Variants in RXRA observed in about 807,000 individuals in gnomAD.
The protein encoded by RXRA is retinoid X receptor alpha, also known as retinoic acid receptor RXR-alpha.
Under a neutral mutation model 44.5 loss-of-function variants are expected in RXRA, and 5 were observed. The observed-to-expected ratio is 0.11, with a 90% CI of 0.06 to 0.24. The LOEUF (loss-of-function observed/expected upper bound fraction) is 0.24. Ranked by LOEUF, RXRA falls within the 10% of genes least tolerant of loss-of-function variation. The pLI is 1.00. For synonymous variants in RXRA, 291 were observed against 271.4 expected (o/e 1.07, Z -0.71); for missense variants, 412 against 646.5 (o/e 0.64, Z 3.93).
chr9:134,357,412 G>T (rs1323520818), intron 1 of RXRA, among the ~76,000 whole-genome samples: 1 of 152,232 alleles, frequency 6.6e-6, no homozygotes, highest in East Asian at 1.9e-4. Context: ...CCCCTCTGCT[G>T]TAGCCGCGTG....
rs569109046 is a variant in RXRA at position 134,407,877 on chromosome 9, G to A, written c.280-272G>A. ...GCAAGCAGGGACCGCCCATGTGTTG[G>A]GGGGGGTGTTGAAGGTCCTTTTCCA... On this transcript the variant is annotated intron_variant, in intron 2 of 9. Transcript: ENST00000481739. This position sits in a 1 kb window ranked among gnomAD's most constrained non-coding sequence, Gnocchi z 4.8. Among the ~76,000 whole-genome samples, 29 of 152,096 alleles carry A rather than the reference G, an allele frequency of 1.9e-4. No homozygotes were observed. The highest frequency in any genetic ancestry group is 6.8e-3 in the Middle Eastern group (2 of 292).
chr9:134,400,574 G>C (rs1247220549), intron 1 of RXRA, among the ~76,000 whole-genome samples: 1 of 152,338 alleles, frequency 6.6e-6, no homozygotes, highest in South Asian at 2.1e-4. Flanking sequence ...GCTGCCGTCT[G>C]TGCTGCCTTG....
intron 1 of RXRA, among the ~76,000 whole-genome samples, chr9:134,341,172 G>T (rs1830081057): frequency 6.6e-6 from 1 of 152,232 alleles, no homozygotes; most frequent in Admixed American, 6.5e-5. Flanking sequence ...TGGAGTGTGT[G>T]CCCAGCACAG....
chr9:134,358,400 G>C (rs925080097), intron 1 of RXRA, among the ~76,000 whole-genome samples: 7 of 152,220 alleles, frequency 4.6e-5, no homozygotes, highest in Non-Finnish European at 8.8e-5. Context: ...GGGCTTCCTG[G>C]GGGAGGTAAC....
chr9:134,427,883 C>CT lies in RXRA; in HGVS notation c.911-1224dup, dbSNP rs1831460461. On this transcript the variant is annotated intron_variant, in intron 6 of 9. Transcript: ENST00000481739. ...GTGTCGGCCATAGAGGCTGGAGCCT[C>CT]TAGAGCGCTCAGGGAGTGTGGAAGG... Among the ~76,000 whole-genome samples, 2 of 152,226 alleles carry CT rather than the reference C, an allele frequency of 1.3e-5. 1 individual carries two copies. The highest frequency in any genetic ancestry group is 4.1e-4 in the South Asian group (2 of 4,834).
At chr9:134,351,269 C>T (rs1442778460) in intron 1 of RXRA, among the ~76,000 whole-genome samples, 3 of 152,202 alleles carry the variant, frequency 2.0e-5, no homozygotes, top group Admixed American at 6.5e-5. Flanking sequence ...AGTGCCTGGC[C>T]CTGTGGGCTG....
intron 1 of RXRA, among the ~76,000 whole-genome samples, chr9:134,389,332 T>A (rs957427135): frequency 6.6e-6 from 1 of 151,992 alleles, no homozygotes; most frequent in Non-Finnish European, 1.5e-5. Context: ...GAAGTGGACG[T>A]TGGTGAGGCC....
At chr9:134,385,140 C>T (rs1830700611) in intron 1 of RXRA, among the ~76,000 whole-genome samples, 1 of 152,220 alleles carries the variant, frequency 6.6e-6, no homozygotes, top group South Asian at 2.1e-4. Context: ...CTGTTGTGGA[C>T]AGAGCTGGTT....
intron 2 of RXRA, among the ~76,000 whole-genome samples, chr9:134,406,860 G>A (rs573976802): frequency 5.3e-5 from 8 of 152,378 alleles, no homozygotes; most frequent in East Asian, 1.9e-4. Flanking sequence ...CTCTGCAGAC[G>A]TCTGGGGCTT....
chr9:134,346,989 C>A (rs889248226), intron 1 of RXRA, among the ~76,000 whole-genome samples: 9 of 152,134 alleles, frequency 5.9e-5, no homozygotes, highest in Non-Finnish European at 8.8e-5. Context: ...CTGGCCCTTG[C>A]GGGGAGGGCC....
rs574455304 is a variant in RXRA, at chr9:134,366,931, A to G, written c.29-34701A>G. On this transcript the variant is annotated intron_variant, in intron 1 of 9. Coordinates refer to ENST00000481739, the MANE Select transcript of RXRA (RefSeq NM_002957.6). The surrounding 1 kb of genome is among the most constrained non-coding windows in gnomAD (Gnocchi z 5.9). The stretch of plus-strand genomic sequence containing the variant: ...TGTCCCTCAGGCTCCTGCTGGGAGA[A>G]GGGGCTGGTGGTTCCCGGGCCTGCA... Among the ~76,000 whole-genome samples the G allele has an allele frequency of 6.6e-6, 1 of 152,214 alleles. No homozygotes were observed. The highest frequency in any genetic ancestry group is 1.9e-4 in the East Asian group (1 of 5,154).
In RXRA at chr9:134,402,161, C is replaced by A. The variant is rs941708134; in HGVS notation, c.279+279C>A. On this transcript the variant is annotated intron_variant, in intron 2 of 9. Coordinates refer to ENST00000481739, the MANE Select transcript of RXRA (RefSeq NM_002957.6). ...CCTTCCCATGCCGGAGGGCTCGGGA[C>A]TCCCTGTTCCCATGACTGGGGGACT... The A allele has an allele frequency of 2.4e-5, 12 of 500,974 alleles. No individual in the cohort carries two copies. The East Asian group carries it at 4.2e-4, about 17-fold the overall frequency. The allele number at this position is 500,974 out of a possible 1,614,324, so 31.0% of individuals were successfully genotyped here.
intron 1 of RXRA, among the ~76,000 whole-genome samples, chr9:134,350,885 A>G (rs1830213496): frequency 6.6e-6 from 1 of 152,122 alleles, no homozygotes; most frequent in South Asian, 2.1e-4. Flanking sequence ...CCTTGTCCTC[A>G]TCTGTACCCA....
At chr9:134,344,499 C>G (rs1288963534) in intron 1 of RXRA, among the ~76,000 whole-genome samples, 1 of 152,214 alleles carries the variant, frequency 6.6e-6, no homozygotes, top group African/African-American at 2.4e-5. Context: ...GCTTAGATTC[C>G]TCTTAAAAAG....
At chr9:134,421,349 C>T (rs1302245250) in intron 5 of RXRA, among the ~76,000 whole-genome samples, 3 of 152,144 alleles carry the variant, frequency 2.0e-5, no homozygotes, top group Non-Finnish European at 4.4e-5. Context: ...GTGTCTCTCT[C>T]CCCTTGGGCC....
chr9:134,346,648 G>C (rs1830156284), intron 1 of RXRA, among the ~76,000 whole-genome samples: 1 of 152,260 alleles, frequency 6.6e-6, no homozygotes, highest in Non-Finnish European at 1.5e-5. Context: ...GGGGAAAGAA[G>C]CGTGTGTCTG....
At chr9:134,358,987 A>G (rs1830317444) in intron 1 of RXRA, among the ~76,000 whole-genome samples, 1 of 152,158 alleles carries the variant, frequency 6.6e-6, no homozygotes, top group Admixed American at 6.5e-5. Context: ...CCCCATGCCC[A>G]GTTCTGGAAG....
chr9:134,368,911 TTGTG>T (rs200142850), intron 1 of RXRA, among the ~76,000 whole-genome samples: 230 of 94,394 alleles, frequency 2.4e-3, no homozygotes, highest in Admixed American at 5.1e-3. Context: ...TGTGTGGGGG[TTGTG>T]TGTGTGTGTG....
chr9:134,422,194 C>T (rs1564294817), intron 6 of RXRA: 1 of 1,288,618 alleles, frequency 7.8e-7, no homozygotes. Context: ...ACACTTCCCC[C>T]TCCAGGGACA....
Sources: gnomAD v4.1 joint callset for allele counts (sites outside exome capture counted in the v4.1 genomes callset) on GRCh38, gnomAD v4.1.1 for gene constraint, Gnocchi (gnomAD v3.1) non-coding constraint, MANE v1.5 for transcripts, NCBI Gene and HGNC (gene_info 2026-07-23, HGNC 2026-07-21) for gene names.